The following MOXD1 variants were observed in gnomAD, a reference collection of about 807,000 sequenced individuals.
The protein encoded by MOXD1 is monooxygenase DBH like 1.
MOXD1 carries 62 observed loss-of-function variants against 66.6 expected under a neutral mutation model. The observed-to-expected ratio is 0.93, with a 90% confidence interval of 0.76 to 1.15. MOXD1 has a LOEUF of 1.15. Among genes scored for constraint, MOXD1 ranks in the 50% most tolerant of loss-of-function variants. The pLI is 0.00. For missense variants in MOXD1, 847 were observed against 754.6 expected, an observed-to-expected ratio of 1.12 and a Z score of -1.44; for synonymous variants, 303 against 281.9, an observed-to-expected ratio of 1.07 and a Z score of -0.75.
intron 10 of MOXD1, among the ~76,000 whole-genome samples, chr6:132,301,701 C>A (rs1175571539): frequency 6.6e-6 from 1 of 152,046 alleles, no homozygotes; most frequent in African/African-American, 2.4e-5. Context: ...AACATGTGAT[C>A]AAAAACTAGC....
In MOXD1 at chr6:132,376,776, G is replaced by A. The variant is rs1417572259; in HGVS notation, c.265-1999C>T. ...GATCCGCCCGCCTCGGCCTCCCAAA[G>A]TGCTGGGATTACAGGCGTGAGCCAC... On this transcript the variant is annotated intron_variant, in intron 1 of 11. Transcript: ENST00000367963. Among the ~76,000 whole-genome samples, 2 of 60,754 alleles carry A rather than the reference G, an allele frequency of 3.3e-5. 1 individual carries two copies. The highest frequency in any genetic ancestry group is 4.8e-5 in the Non-Finnish European group (2 of 41,394). 39.9% of individuals were successfully genotyped at this position (60,754 alleles called of 152,430 possible).
chr6:132,315,914 G>T, intron 9 of MOXD1, 137 bp from the exon 10 acceptor site: 2 of 875,462 alleles, frequency 2.3e-6, no homozygotes, highest in South Asian at 1.8e-5. Context: ...TTAAAAAACT[G>T]GCTTTTTAGA....
chr6:132,344,058 T>C (rs1037973900), intron 4 of MOXD1, among the ~76,000 whole-genome samples: 2 of 152,198 alleles, frequency 1.3e-5, no homozygotes, highest in Non-Finnish European at 2.9e-5. Flanking sequence ...ATTTCATATG[T>C]ATAGACAATT....
intron 1 of MOXD1, among the ~76,000 whole-genome samples, chr6:132,385,801 A>C (rs2114684412): frequency 6.6e-6 from 1 of 152,072 alleles, no homozygotes; most frequent in East Asian, 2.0e-4. Context: ...CAATATACTG[A>C]AATTAAAAAC....
chr6:132,306,291 A>C (rs1774686494), intron 10 of MOXD1, among the ~76,000 whole-genome samples: 1 of 152,104 alleles, frequency 6.6e-6, no homozygotes, highest in African/African-American at 2.4e-5. Context: ...TGCTGAAATA[A>C]GGCATGCAGA....
intron 1 of MOXD1, among the ~76,000 whole-genome samples, chr6:132,389,136 T>G (rs995719984): frequency 2.0e-5 from 3 of 151,226 alleles, no homozygotes; most frequent in Admixed American, 6.6e-5. Context: ...ACTCCTGGCT[T>G]CAAGTGATCC....
chr6:132,352,221 T>C (rs1211405336), intron 4 of MOXD1, among the ~76,000 whole-genome samples: 1 of 152,180 alleles, frequency 6.6e-6, no homozygotes, highest in Non-Finnish European at 1.5e-5. Context: ...AAGTGTGACC[T>C]TAGAATGTCA....
At chr6:132,392,213 T>A in intron 1 of MOXD1, 1 of 1,596,646 alleles carries the variant, frequency 6.3e-7, no homozygotes, top group Non-Finnish European at 8.5e-7. Flanking sequence ...TCCAAGCACT[T>A]CCTCAGCAAG....
intron 10 of MOXD1, among the ~76,000 whole-genome samples, chr6:132,303,317 A>G (rs1774583740): frequency 6.6e-6 from 1 of 152,174 alleles, no homozygotes; most frequent in African/African-American, 2.4e-5. Flanking sequence ...ATAAGAAAAC[A>G]AGTAATTCAA....
chr6:132,297,872 TTA>T lies in MOXD1; in HGVS notation c.1590_1591del (p.Lys532GlyfsTer25), dbSNP rs1774445627. On this transcript the variant is annotated frameshift_variant, in exon 11 of 12. Transcript: ENST00000367963. LOFTEE classifies it high-confidence loss of function. The stretch of plus-strand genomic sequence containing the variant: ...CTTGTTGAAGGAGAGACCTTCCTTT[TTA>T]GTCCATTTAAACTTATTCATAGCAT... 1.9e-5 allele frequency: 31 copies of T among 1,613,412 alleles called. No homozygotes were observed. The highest frequency in any genetic ancestry group is 2.5e-5 in the Non-Finnish European group (29 of 1,179,682).
intron 4 of MOXD1, among the ~76,000 whole-genome samples, chr6:132,363,896 A>G (rs1776065036): frequency 6.7e-6 from 1 of 148,904 alleles, no homozygotes; most frequent in Admixed American, 6.7e-5. Flanking sequence ...TATTCTTTCA[A>G]TAAAGTGCTG....
chr6:132,380,198 C>T (rs1776481116), intron 1 of MOXD1, among the ~76,000 whole-genome samples: 1 of 152,200 alleles, frequency 6.6e-6, no homozygotes, highest in Non-Finnish European at 1.5e-5. Context: ...TTTACATACT[C>T]TGTCATAGTC....
At chr6:132,338,485 C>A (rs1260843483) in intron 4 of MOXD1, among the ~76,000 whole-genome samples, 2 of 152,130 alleles carry the variant, frequency 1.3e-5, no homozygotes, top group African/African-American at 4.8e-5. Context: ...GCAACCTTGC[C>A]CAGATGGGAC....
chr6:132,297,710 T>A (rs1774439898), intron 11 of MOXD1, 77 bp downstream of exon 11: 1 of 1,468,554 alleles, frequency 6.8e-7, no homozygotes, highest in African/African-American at 1.4e-5. Context: ...TGGATATTTG[T>A]CTTCTCCTTA....
At chr6:132,309,718 C>T (rs1473001416) in intron 10 of MOXD1, among the ~76,000 whole-genome samples, 1 of 151,908 alleles carries the variant, frequency 6.6e-6, no homozygotes. Context: ...ACATCTACAA[C>T]CATTAACAAA....
chr6:132,320,137 C>G (rs1245822606), intron 9 of MOXD1, among the ~76,000 whole-genome samples: 1 of 152,010 alleles, frequency 6.6e-6, no homozygotes, highest in Non-Finnish European at 1.5e-5. Context: ...GGGAGGTGTT[C>G]CCTCTTTTAG....
intron 10 of MOXD1, among the ~76,000 whole-genome samples, chr6:132,311,138 C>T (rs937122116): frequency 1.3e-5 from 2 of 151,994 alleles, no homozygotes; most frequent in African/African-American, 4.8e-5. Flanking sequence ...AAATATGACC[C>T]TAAAATATCA....
chr6:132,314,740 CA>C (rs1774904751), intron 10 of MOXD1, among the ~76,000 whole-genome samples: 1 of 152,200 alleles, frequency 6.6e-6, no homozygotes, highest in Admixed American at 6.5e-5. Context: ...ATCCTGTTGA[CA>C]ACAACTACAT....
chr6:132,358,204 G>A (rs374915190), intron 4 of MOXD1, among the ~76,000 whole-genome samples: 6 of 152,284 alleles, frequency 3.9e-5, no homozygotes, highest in Admixed American at 3.3e-4. Flanking sequence ...GGCCCTTCAA[G>A]CTTAGGTTCA....
Sources: gnomAD v4.1 joint callset for allele counts (sites outside exome capture counted in the v4.1 genomes callset) on GRCh38, gnomAD v4.1.1 for gene constraint, MANE v1.5 for transcripts, NCBI Gene and HGNC (gene_info 2026-07-23, HGNC 2026-07-21) for gene names.